SHISA9: variants seen among roughly 807,000 people sequenced by gnomAD.
The protein encoded by SHISA9 is protein shisa-9.
Under a neutral mutation model 38.0 loss-of-function variants are expected in SHISA9, and 13 were observed. The observed-to-expected ratio is 0.34, with a 90% CI of 0.22 to 0.54. The LOEUF (loss-of-function observed/expected upper bound fraction) is 0.54. SHISA9 is among the 20% of genes least tolerant of loss of function. The pLI is 0.91. For synonymous variants in SHISA9, 275 were observed against 242.0 expected (o/e 1.14, Z -1.27); for missense variants, 538 against 575.8 (o/e 0.93, Z 0.67).
the SHISA9 span, among the ~76,000 whole-genome samples, chr16:13,491,538 G>A: frequency 6.6e-6 from 1 of 152,026 alleles, no homozygotes; most frequent in Non-Finnish European, 1.5e-5. Context: ...ACCAAGGCTG[G>A]AGTGAAGTGG....
chr16:13,507,829 G>A, the SHISA9 span, among the ~76,000 whole-genome samples: 1 of 152,142 alleles, frequency 6.6e-6, no homozygotes, highest in Non-Finnish European at 1.5e-5. Flanking sequence ...CTAGAAATGG[G>A]GTAGTAAATC....
chr16:13,468,469 C>T, the SHISA9 span, among the ~76,000 whole-genome samples: 1 of 152,214 alleles, frequency 6.6e-6, no homozygotes, highest in African/African-American at 2.4e-5. Flanking sequence ...CATCCATTTA[C>T]CCAAGCATCC....
chr16:13,413,856 C>T, the SHISA9 span, among the ~76,000 whole-genome samples: 1 of 148,926 alleles, frequency 6.7e-6, no homozygotes, highest in Non-Finnish European at 1.5e-5. Context: ...ATATGTGAAT[C>T]AGCTAGTTGC....
At position 13,043,559 on chromosome 16, in the gene SHISA9, T is replaced by C. The variant is rs149777895; in HGVS notation, c.691+126744T>C. ...TATTAATTGCAAAAACCACAATTACTTTTGCACTAACCTAATATGAAGACC... is the reference window on the plus strand; with the variant it reads ...TATTAATTGCAAAAACCACAATTACCTTTGCACTAACCTAATATGAAGACC... On this transcript the variant is annotated intron_variant, in intron 2 of 4. Transcript: ENST00000558583. 2.6e-3 allele frequency among the ~76,000 whole-genome samples: 393 copies of C among 152,326 alleles called. 3 individuals carry two copies. Among genetic ancestry groups the C allele is most frequent in the African/African-American group, 8.8e-3 (365 of 41,570 alleles).
the SHISA9 span, among the ~76,000 whole-genome samples, chr16:13,255,655 C>A: frequency 6.6e-6 from 1 of 152,208 alleles, no homozygotes; most frequent in African/African-American, 2.4e-5. Context: ...CCAGTCCCTG[C>A]AAATTTCATG....
chr16:13,416,250 C>G, the SHISA9 span, among the ~76,000 whole-genome samples: 2 of 152,198 alleles, frequency 1.3e-5, no homozygotes, highest in African/African-American at 4.8e-5. Flanking sequence ...CATTGGCTTA[C>G]TTAGAACCTG....
chr16:13,534,800 C>A, the SHISA9 span, among the ~76,000 whole-genome samples: 4 of 151,994 alleles, frequency 2.6e-5, no homozygotes, highest in African/African-American at 4.8e-5. Flanking sequence ...CTGTCTTCTC[C>A]CCTCTTCTCT....
At chr16:13,083,269 G>T (rs1358202824) in intron 2 of SHISA9, among the ~76,000 whole-genome samples, 1 of 152,218 alleles carries the variant, frequency 6.6e-6, no homozygotes. Context: ...ATTCAGGCTT[G>T]AACAAGTTGC....
the SHISA9 span, among the ~76,000 whole-genome samples, chr16:13,415,380 A>G: frequency 5.3e-5 from 8 of 152,228 alleles, no homozygotes; most frequent in African/African-American, 1.7e-4. Context: ...TGGGAGCTAA[A>G]TGATGAGAAC....
At chr16:13,240,770 C>T (rs1309053608), downstream of SHISA9, among the ~76,000 whole-genome samples, 1 of 152,096 alleles carries the variant, frequency 6.6e-6, no homozygotes, top group African/African-American at 2.4e-5. Context: ...TCATAGAAGA[C>T]ACAAATATTG....
At chr16:13,217,885 C>T (rs753128467) in intron 4 of SHISA9, among the ~76,000 whole-genome samples, 4 of 152,040 alleles carry the variant, frequency 2.6e-5, no homozygotes, top group African/African-American at 7.2e-5. Flanking sequence ...GAAAAATTAG[C>T]CAGGTACAGT....
chr16:13,227,874 G>C (rs1227494313), intron 4 of SHISA9, among the ~76,000 whole-genome samples: 2 of 152,218 alleles, frequency 1.3e-5, no homozygotes, highest in Non-Finnish European at 2.9e-5. Context: ...AGGCAGCTTG[G>C]TTTGGATGAA....
intron 2 of SHISA9, among the ~76,000 whole-genome samples, chr16:13,019,882 C>CCCTT (rs1186871545): frequency 4.9e-5 from 1 of 20,386 alleles, no homozygotes; most frequent in Non-Finnish European, 9.6e-5. Flanking sequence ...CTCCCTCCCT[C>CCCTT]CCTTCTTTCT....
At position 13,216,048 on chromosome 16, in the gene SHISA9, G is replaced by T. The variant is rs28495658; in HGVS notation, c.895+2748G>T. On this transcript the variant is annotated intron_variant, in intron 4 of 4. Coordinates refer to ENST00000558583, the MANE Select transcript of SHISA9 (RefSeq NM_001145204.3). The stretch of plus-strand genomic sequence containing the variant: ...CTAAAAATACCAAAATTAGCCAGGC[G>T]TGGTGGCACGTGCCTGTAGTCCCAG... 6.0e-3 allele frequency among the ~76,000 whole-genome samples: 917 copies of T among 152,142 alleles called. 8 individuals carry two copies. The highest frequency in any genetic ancestry group is 0.021 in the African/African-American group (864 of 41,510).
At chr16:13,072,860 C>T (rs2073534963) in intron 2 of SHISA9, among the ~76,000 whole-genome samples, 1 of 152,098 alleles carries the variant, frequency 6.6e-6, no homozygotes, top group South Asian at 2.1e-4. Flanking sequence ...GGGGTTTTAC[C>T]ATGTTGGCCA....
chr16:13,019,789 TTTCTTTCTTTC>T (rs2072804856), intron 2 of SHISA9, among the ~76,000 whole-genome samples: 1 of 132,846 alleles, frequency 7.5e-6, no homozygotes, highest in Non-Finnish European at 1.6e-5. Flanking sequence ...TCTTTCTTTC[TTTCTTTCTTTC>T]TTTCTTTCTT....
intron 2 of SHISA9, among the ~76,000 whole-genome samples, chr16:12,942,231 T>C (rs1468959291): frequency 6.6e-6 from 1 of 152,226 alleles, no homozygotes; most frequent in African/African-American, 2.4e-5. Context: ...TTCTCTTGTA[T>C]TTCCCTCCTC....
At chr16:13,015,208 C>T (rs2072726657) in intron 2 of SHISA9, among the ~76,000 whole-genome samples, 1 of 152,220 alleles carries the variant, frequency 6.6e-6, no homozygotes, top group African/African-American at 2.4e-5. Flanking sequence ...TATGTATTGT[C>T]TGTGGCACCT....
At chr16:12,959,415 C>G (rs927640673) in intron 2 of SHISA9, among the ~76,000 whole-genome samples, 1 of 152,118 alleles carries the variant, frequency 6.6e-6, no homozygotes, top group African/African-American at 2.4e-5. Context: ...AGAGGAAAAG[C>G]TAGGGAAGGC....
Sources: gnomAD v4.1 joint callset for allele counts (sites outside exome capture counted in the v4.1 genomes callset) on GRCh38, gnomAD v4.1.1 for gene constraint, MANE v1.5 for transcripts, NCBI Gene and HGNC (gene_info 2026-07-23, HGNC 2026-07-21) for gene names.